The following PAN3 variants were observed in gnomAD, a reference collection of about 807,000 sequenced individuals.
PAN3 encodes poly(A) specific ribonuclease subunit PAN3.
In PAN3, 19 loss-of-function variants were observed where a neutral mutation model predicts 96.2. That is an observed-to-expected ratio of 0.20 (90% CI 0.14 to 0.29). The LOEUF (loss-of-function observed/expected upper bound fraction) is 0.29, where lower values mean the gene tolerates loss of function less well. PAN3 is among the 10% of genes least tolerant of loss of function. The probability of loss-of-function intolerance (pLI) is 1.00; values close to 1 mark genes in which losing one functional copy is unlikely to be tolerated. For missense variants in PAN3, 882 were observed against 1,108.1 expected (o/e 0.80, Z 2.90); for synonymous variants, 433 against 406.6 (o/e 1.06, Z -0.78).
intron 5 of PAN3, chr13:28,215,849 A>T (rs1880685596): frequency 7.2e-7 from 1 of 1,397,428 alleles, no homozygotes; most frequent in African/African-American, 1.4e-5. Context: ...AGGCTGCTGG[A>T]GCTGGCAAGG....
At chr13:28,263,949 C>G (rs555687853) in intron 9 of PAN3, among the ~76,000 whole-genome samples, 1 of 152,122 alleles carries the variant, frequency 6.6e-6, no homozygotes, top group Non-Finnish European at 1.5e-5. Context: ...CAAACAAACA[C>G]CGCCCTATGT....
intron 6 of PAN3, among the ~76,000 whole-genome samples, chr13:28,230,332 T>C (rs1882410460): frequency 1.3e-5 from 2 of 152,278 alleles, no homozygotes; most frequent in South Asian, 4.1e-4. Context: ...CTATAACTTT[T>C]AGTTTTTCAA....
chr13:28,244,805 C>T (rs1884021949), intron 6 of PAN3, among the ~76,000 whole-genome samples: 1 of 151,608 alleles, frequency 6.6e-6, no homozygotes, highest in Non-Finnish European at 1.5e-5. Flanking sequence ...TTTTCCCCCA[C>T]ATAGATATAA....
rs1340854305 is a variant in PAN3 at position 28,295,067 on chromosome 13, C to A, written c.*2545C>A. On this transcript the variant is annotated 3_prime_UTR_variant, in exon 19 of 19. Coordinates refer to ENST00000380958, the MANE Select transcript of PAN3 (RefSeq NM_175854.8). ...CAGATAAAAGCACAGAAAGGACAAC[C>A]CTTGAAATCATGTAACGTTGGTCAT... The A allele has an allele frequency of 6.6e-6, 1 of 152,074 alleles. No homozygotes were observed. Among genetic ancestry groups the A allele is most frequent in the African/African-American group, 2.4e-5 (1 of 41,400 alleles). 9.4% of individuals were successfully genotyped at this position (152,074 alleles called of 1,614,324 possible). A position where few individuals can be genotyped will look rare whatever the true frequency, so the allele number is the denominator to read the frequency against.
At chr13:28,287,495 A>G (rs2138751510) in intron 17 of PAN3, among the ~76,000 whole-genome samples, 1 of 152,342 alleles carries the variant, frequency 6.6e-6, no homozygotes, top group East Asian at 1.9e-4. Context: ...GTAAGTTCCT[A>G]AGGTCACTGA....
chr13:28,169,572 G>A (rs935922045), intron 1 of PAN3, among the ~76,000 whole-genome samples: 1 of 151,600 alleles, frequency 6.6e-6, no homozygotes, highest in African/African-American at 2.4e-5. Context: ...GGTTGGATAT[G>A]TGCCTGTTCT....
intron 13 of PAN3, 142 bp downstream of exon 13, chr13:28,271,008 C>T (rs1886576634): frequency 3.7e-5 from 33 of 900,332 alleles, no homozygotes; most frequent in Non-Finnish European, 4.8e-5. Context: ...CATTTGTAAG[C>T]TTTTTAAAGA....
intron 5 of PAN3, among the ~76,000 whole-genome samples, chr13:28,206,253 A>T (rs17760834): frequency 0.02 from 2,969 of 150,290 alleles, 63 homozygotes; most frequent in Admixed American, 0.03. Flanking sequence ...TTAATTCCCA[A>T]TATTTTCCCT....
At chr13:28,207,716 C>G (rs543164828) in intron 5 of PAN3, among the ~76,000 whole-genome samples, 7 of 152,314 alleles carry the variant, frequency 4.6e-5, no homozygotes, top group Non-Finnish European at 1.0e-4. Context: ...TTACCAGATT[C>G]TAATTATTCA....
chr13:28,215,911 T>C (rs1200115501), intron 5 of PAN3: 23 of 1,208,680 alleles, frequency 1.9e-5, no homozygotes, highest in Non-Finnish European at 2.7e-5. Context: ...TTATCCCTAA[T>C]ACCTGCCACT....
At chr13:28,242,884 T>C (rs898571649) in intron 6 of PAN3, among the ~76,000 whole-genome samples, 1 of 152,230 alleles carries the variant, frequency 6.6e-6, no homozygotes, top group Admixed American at 6.5e-5. Context: ...CTTATACATA[T>C]TTCGTTAGGT....
At chr13:28,197,799 A>G (rs1359789599) in intron 5 of PAN3, among the ~76,000 whole-genome samples, 1 of 151,728 alleles carries the variant, frequency 6.6e-6, no homozygotes, top group East Asian at 1.9e-4. Context: ...TCGAACTCCT[A>G]CCTCAGGTGA....
chr13:28,268,035 TTGTTTTTCTCTTTAAAA>T (rs1566245921), intron 12 of PAN3, among the ~76,000 whole-genome samples: 1 of 152,204 alleles, frequency 6.6e-6, no homozygotes. Flanking sequence ...TGTGTTAAAA[TTGTTTTTCTCTTTAAAA>T]TGTTTTTCTT....
chr13:28,157,198 A>G (rs949919118), intron 1 of PAN3, among the ~76,000 whole-genome samples: 3 of 152,082 alleles, frequency 2.0e-5, no homozygotes, highest in African/African-American at 2.4e-5. Flanking sequence ...AAAAACCCTC[A>G]ATAAACTAGG....
intron 17 of PAN3, 118 bp from the exon 18 acceptor site, chr13:28,287,865 TC>T (rs1869186920): frequency 1.1e-6 from 1 of 912,776 alleles, no homozygotes. Flanking sequence ...TGTACCAGAC[TC>T]CCTCCCAATT....
At chr13:28,140,847 A>G (rs1286987557) in intron 1 of PAN3, among the ~76,000 whole-genome samples, 1 of 152,196 alleles carries the variant, frequency 6.6e-6, no homozygotes, top group Non-Finnish European at 1.5e-5. Flanking sequence ...TGTAAAACAA[A>G]TGGTTACTTA....
At chr13:28,176,891 A>G in intron 3 of PAN3, among the ~76,000 whole-genome samples, 1 of 152,220 alleles carries the variant, frequency 6.6e-6, no homozygotes, top group Non-Finnish European at 1.5e-5. Context: ...AAAAATTTCA[A>G]CATGCTATTT....
rs114635534 is a variant in PAN3, at chr13:28,231,975, A to G, written c.1000+11597A>G. ...ATTTGTCGTTTTATTGCATAATATA[A>G]AGAGATTTTGTACTTTTAATCAGTT... is the stretch of plus-strand genomic sequence containing the variant. On this transcript the variant is annotated intron_variant, in intron 6 of 18. Transcript: ENST00000380958. Among the ~76,000 whole-genome samples the G allele has an allele frequency of 6.8e-3, 1,042 of 152,274 alleles. 11 individuals carry two copies. Among genetic ancestry groups the G allele is most frequent in the African/African-American group, 0.024 (1,007 of 41,550 alleles).
intron 6 of PAN3, among the ~76,000 whole-genome samples, chr13:28,231,521 A>G (rs1051233527): frequency 3.9e-5 from 6 of 152,206 alleles, no homozygotes; most frequent in African/African-American, 1.4e-4. Flanking sequence ...AGTATTTCTA[A>G]TACCAGATAG....
Sources: gnomAD v4.1 joint callset for allele counts (sites outside exome capture counted in the v4.1 genomes callset) on GRCh38, gnomAD v4.1.1 for gene constraint, MANE v1.5 for transcripts, NCBI Gene and HGNC (gene_info 2026-07-23, HGNC 2026-07-21) for gene names.